CHP1: variants seen among roughly 807,000 people sequenced by gnomAD.
The protein encoded by CHP1 is calcineurin like EF-hand protein 1.
CHP1 carries 11 observed loss-of-function variants against 27.4 expected under a neutral mutation model. The observed-to-expected ratio is 0.40, with a 90% CI of 0.25 to 0.67. CHP1 has a LOEUF of 0.67. Ranked by LOEUF, CHP1 falls within the 30% of genes least tolerant of loss-of-function variation. CHP1 has a pLI of 0.38. For synonymous variants in CHP1, 89 were observed against 87.4 expected, an observed-to-expected ratio of 1.02 and a Z score of -0.10; for missense variants, 169 against 251.3, an observed-to-expected ratio of 0.67 and a Z score of 2.22.
In CHP1 at chr15:41,278,841, G is replaced by A; in HGVS notation, c.486G>A (p.Glu162=). 6.2e-7 allele frequency: 1 copy of A among 1,614,192 alleles called. No homozygotes were observed. Among genetic ancestry groups the A allele is most frequent in the Non-Finnish European group, 8.5e-7 (1 of 1,180,040 alleles). The part of the protein sequence containing the change: ...LGSIADRTIQ[E]ADQDGDSAIS... ...GCATCGCAGACAGGACCATTCAGGAGGCTGATCAGGATGGGGACAGTGCCA... is the reference window on the plus strand; with the variant it reads ...GCATCGCAGACAGGACCATTCAGGAAGCTGATCAGGATGGGGACAGTGCCA... The change falls in exon 6 of 7, where the codon GAG becomes GAA. Residue 162 remains glutamate (E), a synonymous_variant. Transcript: ENST00000334660.
intron 1 of CHP1, among the ~76,000 whole-genome samples, chr15:41,239,132 A>G (rs555419960): frequency 6.6e-6 from 1 of 152,120 alleles, no homozygotes; most frequent in Non-Finnish European, 1.5e-5. Context: ...TTAGTACCTA[A>G]ATTAAAGCCT....
chr15:41,276,070 G>A (rs1367224986), intron 5 of CHP1, among the ~76,000 whole-genome samples: 1 of 151,832 alleles, frequency 6.6e-6, no homozygotes, highest in African/African-American at 2.4e-5. Context: ...GCAAAATCCC[G>A]TCTCTACTAA....
intron 2 of CHP1, among the ~76,000 whole-genome samples, chr15:41,255,400 C>T (rs904396775): frequency 3.3e-5 from 5 of 152,260 alleles, no homozygotes; most frequent in East Asian, 1.9e-4. Context: ...GGACTGGGTG[C>T]GGTGGCTCAC....
chr15:41,279,252 G>C, intron 6 of CHP1, 84 bp from the exon 7 acceptor site: 3 of 1,115,618 alleles, frequency 2.7e-6, no homozygotes, highest in Non-Finnish European at 4.0e-6. Context: ...ACAGGAGGAA[G>C]GGGGGAAAAC....
chr15:41,249,830 A>AT (rs553713758), intron 2 of CHP1, among the ~76,000 whole-genome samples: 4,846 of 140,680 alleles, frequency 0.034, 257 homozygotes, highest in African/African-American at 0.11. Context: ...CACTTCAACA[A>AT]TTTTTTTTTT....
At chr15:41,250,447 A>G (rs1487447049) in intron 2 of CHP1, among the ~76,000 whole-genome samples, 1 of 152,134 alleles carries the variant, frequency 6.6e-6, no homozygotes, top group African/African-American at 2.4e-5. Context: ...CATGCCTGTA[A>G]TCCCAGCACT....
At chr15:41,240,313 G>C (rs1472488669) in intron 1 of CHP1, among the ~76,000 whole-genome samples, 1 of 151,932 alleles carries the variant, frequency 6.6e-6, no homozygotes, top group Non-Finnish European at 1.5e-5. Flanking sequence ...TCATTGAAGG[G>C]GTCGGATTAG....
chr15:41,261,963 G>A (rs2047435490), intron 3 of CHP1, among the ~76,000 whole-genome samples: 1 of 146,864 alleles, frequency 6.8e-6, no homozygotes, highest in South Asian at 2.1e-4. Context: ...TTGCATTCCA[G>A]CCTGGGCAAC....
intron 5 of CHP1, among the ~76,000 whole-genome samples, chr15:41,276,131 C>G (rs2047518467): frequency 6.6e-6 from 1 of 151,722 alleles, no homozygotes; most frequent in African/African-American, 2.4e-5. Context: ...ATCCCAGCTA[C>G]TCGAGAGGCT....
At chr15:41,235,166 T>G (rs1332527296) in intron 1 of CHP1, among the ~76,000 whole-genome samples, 1 of 152,184 alleles carries the variant, frequency 6.6e-6, no homozygotes, top group Non-Finnish European at 1.5e-5. Flanking sequence ...CTTAGGAGTT[T>G]CTGTAATCAT....
chr15:41,275,068 G>A (rs1595483339), intron 5 of CHP1, among the ~76,000 whole-genome samples: 2 of 152,022 alleles, frequency 1.3e-5, no homozygotes, highest in Admixed American at 6.6e-5. Flanking sequence ...GATTACAGGC[G>A]TGAGCCACCA....
At chr15:41,236,624 T>C (rs1244502011) in intron 1 of CHP1, among the ~76,000 whole-genome samples, 1 of 152,098 alleles carries the variant, frequency 6.6e-6, no homozygotes, top group Non-Finnish European at 1.5e-5. Flanking sequence ...GGTTTATTCA[T>C]TCAGAAGATA....
At chr15:41,247,580 G>T (rs909668775) in intron 2 of CHP1, among the ~76,000 whole-genome samples, 9 of 152,136 alleles carry the variant, frequency 5.9e-5, no homozygotes, top group Admixed American at 2.0e-4. Context: ...GCTGAGGCAG[G>T]AGAATCACTT....
In CHP1 at chr15:41,246,326, C is replaced by CT. The variant is rs1302555088; in HGVS notation, c.140+2597dup. Among the ~76,000 whole-genome samples, 233 of 146,046 alleles carry CT rather than the reference C, an allele frequency of 1.6e-3. 1 individual carries two copies. Among genetic ancestry groups the CT allele is most frequent in the African/African-American group, 5.1e-3 (204 of 39,904 alleles). ...AAGTTTTTTTTTTAATGAGCTGTTTCTTTTTTTTTTAAGATGGAGTTTCAC... is the reference window on the plus strand; with the variant it reads ...AAGTTTTTTTTTTAATGAGCTGTTTCTTTTTTTTTTTAAGATGGAGTTTCAC... On this transcript the variant is annotated intron_variant, in intron 2 of 6. Transcript: ENST00000334660.
At chr15:41,271,329 G>A (rs2047488661) in intron 5 of CHP1, among the ~76,000 whole-genome samples, 1 of 151,682 alleles carries the variant, frequency 6.6e-6, no homozygotes, top group Non-Finnish European at 1.5e-5. Flanking sequence ...TCGGGAGGCT[G>A]AAGCAGTAGA....
At chr15:41,240,995 G>A (rs2047304218) in intron 1 of CHP1, among the ~76,000 whole-genome samples, 1 of 151,840 alleles carries the variant, frequency 6.6e-6, no homozygotes, top group Non-Finnish European at 1.5e-5. Flanking sequence ...TGGGACTAGA[G>A]GCAGACGCCA....
At chr15:41,239,845 C>T (rs548820823) in intron 1 of CHP1, among the ~76,000 whole-genome samples, 3 of 152,056 alleles carry the variant, frequency 2.0e-5, no homozygotes, top group Admixed American at 6.6e-5. Flanking sequence ...GGCGCAATCT[C>T]AGCTCACTGC....
chr15:41,240,753 C>CAA (rs750044405), intron 1 of CHP1, among the ~76,000 whole-genome samples: 26 of 54,088 alleles, frequency 4.8e-4, no homozygotes, highest in Non-Finnish European at 9.1e-4. Flanking sequence ...AACTCTATCT[C>CAA]AAAAAAAAAA....
At chr15:41,243,621 A>G in intron 1 of CHP1, 46 bp from the exon 2 acceptor site, 1 of 1,553,372 alleles carries the variant, frequency 6.4e-7, no homozygotes, top group East Asian at 2.2e-5. Flanking sequence ...TTCAGTGTGA[A>G]TGAGGGCTAC....
Sources: allele counts gnomAD v4.1 joint callset (sites outside exome capture counted in the v4.1 genomes callset), GRCh38; gene constraint gnomAD v4.1.1; transcripts MANE v1.5; gene names NCBI Gene and HGNC (gene_info 2026-07-23, HGNC 2026-07-21).